Variants in HIVEP2 observed in about 807,000 individuals in gnomAD.
HIVEP2 encodes the protein transcription factor HIVEP2.
HIVEP2 carries 14 observed loss-of-function variants against 180.7 expected under a neutral mutation model. That is an observed-to-expected ratio of 0.08 (90% confidence interval 0.05 to 0.12). The LOEUF (loss-of-function observed/expected upper bound fraction) is 0.12, where lower values mean the gene tolerates loss of function less well. Among genes scored for constraint, HIVEP2 ranks in the 10% least tolerant of loss-of-function variants. The probability of loss-of-function intolerance (pLI) is 1.00; values close to 1 mark genes in which losing one functional copy is unlikely to be tolerated. For missense variants in HIVEP2, 2,579 were observed against 3,008.5 expected, an observed-to-expected ratio of 0.86 and a Z score of 3.34; for synonymous variants, 1,184 against 1,136.4, an observed-to-expected ratio of 1.04 and a Z score of -0.84.
chr6:142,761,628 G>A (rs1431814998), intron 7 of HIVEP2, 63 bp from the exon 8 acceptor site: 1 of 886,378 alleles, frequency 1.1e-6, no homozygotes, highest in African/African-American at 1.6e-5. Flanking sequence ...ACTGCTGATA[G>A]CTGCTCCAAA....
intron 4 of HIVEP2, among the ~76,000 whole-genome samples, chr6:142,775,669 T>C (rs1458238312): frequency 5.9e-5 from 9 of 152,012 alleles, no homozygotes; most frequent in Admixed American, 3.9e-4. Context: ...ACCCCGTCTC[T>C]ACTAAAAATA....
At chr6:142,810,527 C>T (rs12210586) in intron 2 of HIVEP2, among the ~76,000 whole-genome samples, 21,513 of 151,814 alleles carry the variant, frequency 0.14, 1,644 homozygotes, top group Middle Eastern at 0.2. Flanking sequence ...CTTTGGGAGG[C>T]CAGGGGGGCA....
At position 142,771,553 on chromosome 6, in the gene HIVEP2, C is replaced by T. The variant is rs368129471; in HGVS notation, c.3186G>A (p.Ser1062=). 1.9e-5 allele frequency: 31 copies of T among 1,613,794 alleles called. No individual in the cohort carries two copies. Among genetic ancestry groups the T allele is most frequent in the African/African-American group, 6.7e-5 (5 of 74,918 alleles). Residue 1062 remains serine (S), a synonymous_variant, in exon 5 of 10, where the codon TCG becomes TCA. Coordinates refer to ENST00000367603, the MANE Select transcript of HIVEP2 (RefSeq NM_006734.4). The surrounding 1 kb of genome is among the most constrained non-coding windows in gnomAD (Gnocchi z 5.4). The stretch of plus-strand genomic sequence containing the variant: ...GTGATACCGTGGAGGCTGCTGCTCC[C>T]GACACAGGAGCATGGGACAGATTCC... ...DYGNLSHAPV[S]GAAASTVSPS...
intron 2 of HIVEP2, among the ~76,000 whole-genome samples, chr6:142,783,901 T>C (rs535657862): frequency 6.6e-6 from 1 of 152,364 alleles, no homozygotes; most frequent in East Asian, 1.9e-4. Context: ...GTCATTGTAG[T>C]CCATGATACG....
intron 1 of HIVEP2, among the ~76,000 whole-genome samples, chr6:142,914,006 GA>G (rs372029128): frequency 0.023 from 3,271 of 145,276 alleles, 99 homozygotes; most frequent in African/African-American, 0.069. Context: ...CTCAGTATAT[GA>G]AAAAAAAAAA....
chr6:142,834,157 T>G (rs1197188455), intron 2 of HIVEP2, among the ~76,000 whole-genome samples: 1 of 151,936 alleles, frequency 6.6e-6, no homozygotes, highest in Non-Finnish European at 1.5e-5. Context: ...ATTAAAAGGG[T>G]TTTCTTCCTT....
intron 1 of HIVEP2, among the ~76,000 whole-genome samples, chr6:142,899,451 A>G (rs1223222728): frequency 6.6e-6 from 1 of 152,154 alleles, no homozygotes; most frequent in Non-Finnish European, 1.5e-5. Flanking sequence ...TCACTTCTAG[A>G]CCATTAGCTC....
intron 2 of HIVEP2, among the ~76,000 whole-genome samples, chr6:142,825,271 C>T (rs1331133292): frequency 1.4e-5 from 2 of 142,262 alleles, no homozygotes; most frequent in African/African-American, 5.5e-5. Context: ...TTTGCAGACA[C>T]ATACTAAAGT....
intron 9 of HIVEP2, among the ~76,000 whole-genome samples, chr6:142,758,422 T>C (rs1167966691): frequency 6.6e-6 from 1 of 151,826 alleles, no homozygotes; most frequent in Non-Finnish European, 1.5e-5. Flanking sequence ...AGGGAGAAAA[T>C]TGGCTGCCAG....
intron 1 of HIVEP2, among the ~76,000 whole-genome samples, chr6:142,874,037 TA>T (rs1249694874): frequency 6.6e-6 from 1 of 152,168 alleles, no homozygotes; most frequent in Non-Finnish European, 1.5e-5. Flanking sequence ...AGCCATTTGC[TA>T]TTAAAAGAAC....
chr6:142,833,467 A>T lies in HIVEP2; in HGVS notation c.-528+3468T>A, dbSNP rs150116312. On this transcript the variant is annotated intron_variant, in intron 2 of 9. Coordinates refer to ENST00000367603, the MANE Select transcript of HIVEP2 (RefSeq NM_006734.4). ...AGACAGGAAGGATAGACAGAAGGAAATACTATGAAATGATATGAAAGAAGC... is the reference window on the plus strand; with the variant it reads ...AGACAGGAAGGATAGACAGAAGGAATTACTATGAAATGATATGAAAGAAGC... Among the ~76,000 whole-genome samples, 595 of 152,320 alleles carry T rather than the reference A, an allele frequency of 3.9e-3. 3 individuals carry two copies. Among genetic ancestry groups the T allele is most frequent in the Middle Eastern group, 0.01 (3 of 294 alleles).
chr6:142,843,245 A>C (rs899532494), intron 1 of HIVEP2, among the ~76,000 whole-genome samples: 1 of 152,214 alleles, frequency 6.6e-6, no homozygotes, highest in Non-Finnish European at 1.5e-5. Flanking sequence ...CTGTAACAAT[A>C]GTTTCCTAAT....
chr6:142,803,208 A>G (rs1273417287), intron 2 of HIVEP2, among the ~76,000 whole-genome samples: 1 of 152,192 alleles, frequency 6.6e-6, no homozygotes, highest in African/African-American at 2.4e-5. Context: ...GCATTTCATC[A>G]TAACCTAGAA....
intron 1 of HIVEP2, among the ~76,000 whole-genome samples, chr6:142,911,569 T>C (rs1026450497): frequency 2.6e-5 from 4 of 152,212 alleles, no homozygotes; most frequent in African/African-American, 9.6e-5. Context: ...AGACTAAGAA[T>C]CATCTGAGAC....
At chr6:142,915,122 T>C (rs1344052153) in intron 1 of HIVEP2, among the ~76,000 whole-genome samples, 1 of 152,224 alleles carries the variant, frequency 6.6e-6, no homozygotes, top group African/African-American at 2.4e-5. Context: ...TGATTGTCAC[T>C]GCTTCCCCTG....
At chr6:142,849,649 G>A (rs1429846010) in intron 1 of HIVEP2, among the ~76,000 whole-genome samples, 2 of 151,962 alleles carry the variant, frequency 1.3e-5, no homozygotes, top group South Asian at 2.1e-4. Context: ...TGAGCAGCTG[G>A]GACCACAGGT....
At chr6:142,785,168 C>T (rs1045320644) in intron 2 of HIVEP2, among the ~76,000 whole-genome samples, 2 of 151,830 alleles carry the variant, frequency 1.3e-5, no homozygotes, top group Admixed American at 6.6e-5. Context: ...GGATTACAGG[C>T]GTGAGCCACC....
intron 1 of HIVEP2, among the ~76,000 whole-genome samples, chr6:142,926,161 T>C (rs1038892475): frequency 6.6e-6 from 1 of 152,240 alleles, no homozygotes; most frequent in African/African-American, 2.4e-5. Flanking sequence ...TGGGTTAACT[T>C]GCTTGTGTTC....
intron 2 of HIVEP2, among the ~76,000 whole-genome samples, chr6:142,826,407 T>C (rs1056778133): frequency 1.3e-5 from 2 of 152,192 alleles, no homozygotes; most frequent in East Asian, 1.9e-4. Flanking sequence ...TGATCACTGG[T>C]TGAAATATCT....
Sources: allele counts gnomAD v4.1 joint callset (sites outside exome capture counted in the v4.1 genomes callset), GRCh38; gene constraint gnomAD v4.1.1; non-coding constraint Gnocchi (gnomAD v3.1); transcripts MANE v1.5; gene names NCBI Gene and HGNC (gene_info 2026-07-23, HGNC 2026-07-21).